The following P3H2 variants were observed in gnomAD, a reference collection of about 807,000 sequenced individuals.
P3H2 encodes the protein prolyl 3-hydroxylase 2, also known as leprecan-like 1.
In P3H2, 80 loss-of-function variants were observed where a neutral mutation model predicts 87.0. The observed-to-expected ratio is 0.92, with a 90% confidence interval of 0.77 to 1.11. The LOEUF (loss-of-function observed/expected upper bound fraction) is 1.11, where lower values mean the gene tolerates loss of function less well. Among genes scored for constraint, P3H2 ranks in the 50% least tolerant of loss-of-function variants. The probability of loss-of-function intolerance (pLI) is 0.00; values close to 1 mark genes in which losing one functional copy is unlikely to be tolerated. For missense variants in P3H2, 1,001 were observed against 923.9 expected (o/e 1.08, Z -1.08); for synonymous variants, 367 against 359.3 (o/e 1.02, Z -0.24).
At chr3:190,041,618 T>A (rs1387075641) in intron 1 of P3H2, among the ~76,000 whole-genome samples, 2 of 152,166 alleles carry the variant, frequency 1.3e-5, no homozygotes, top group African/African-American at 4.8e-5. Flanking sequence ...AAGACCTAGG[T>A]CAATAGCACA....
At chr3:190,029,038 T>C (rs143812341) in intron 1 of P3H2, among the ~76,000 whole-genome samples, 122 of 152,350 alleles carry the variant, frequency 8.0e-4, no homozygotes, top group African/African-American at 2.9e-3. Flanking sequence ...GTCATTTACA[T>C]GACTTAAAGA....
intron 1 of P3H2, among the ~76,000 whole-genome samples, chr3:190,102,928 AC>A (rs1711684455): frequency 6.6e-6 from 1 of 152,220 alleles, no homozygotes; most frequent in Admixed American, 6.5e-5. Flanking sequence ...GCAGCCACCA[AC>A]ACTGAGGAAA....
At chr3:190,004,593 G>A (rs372715352) in intron 1 of P3H2, among the ~76,000 whole-genome samples, 3,107 of 151,902 alleles carry the variant, frequency 0.02, 114 homozygotes, top group African/African-American at 0.071. Flanking sequence ...CGTCTTAGCC[G>A]GGATGGTCTC....
chr3:190,047,996 C>T (rs1725859139), intron 1 of P3H2, among the ~76,000 whole-genome samples: 1 of 152,132 alleles, frequency 6.6e-6, no homozygotes, highest in Admixed American at 6.5e-5. Flanking sequence ...GTATACAGGT[C>T]TTTCTTCTGA....
intron 1 of P3H2, among the ~76,000 whole-genome samples, chr3:190,005,856 T>A (rs1346749383): frequency 6.6e-6 from 1 of 152,216 alleles, no homozygotes; most frequent in Non-Finnish European, 1.5e-5. Flanking sequence ...AGCTCACTAA[T>A]GGGTACTCCT....
intron 4 of P3H2, among the ~76,000 whole-genome samples, chr3:189,988,435 C>T (rs1011652372): frequency 8.8e-4 from 133 of 151,448 alleles, no homozygotes; most frequent in African/African-American, 2.8e-3. Context: ...AATACATACA[C>T]ACACACACAC....
chr3:190,068,499 G>T (rs918974289), intron 1 of P3H2, among the ~76,000 whole-genome samples: 2 of 152,114 alleles, frequency 1.3e-5, no homozygotes, highest in African/African-American at 2.4e-5. Flanking sequence ...AAGTTATTGG[G>T]TCTTAAAACT....
At chr3:190,121,444 A>C (rs1712588710), upstream of P3H2, 1 of 152,202 alleles carries the variant, frequency 6.6e-6, no homozygotes, top group Admixed American at 6.5e-5. Flanking sequence ...GCCTAAATGC[A>C]TAGAGCTGAG....
At chr3:190,073,695 G>A (rs1366588140) in intron 1 of P3H2, among the ~76,000 whole-genome samples, 1 of 152,168 alleles carries the variant, frequency 6.6e-6, no homozygotes, top group East Asian at 1.9e-4. Context: ...ACGGCAAACT[G>A]AGTTTCATTT....
intron 8 of P3H2, among the ~76,000 whole-genome samples, chr3:189,977,313 T>C (rs1723381422): frequency 6.6e-6 from 1 of 152,216 alleles, no homozygotes; most frequent in Admixed American, 6.5e-5. Flanking sequence ...GCTGCCATGC[T>C]GTAATGAAGC....
intron 1 of P3H2, among the ~76,000 whole-genome samples, chr3:190,116,901 C>T (rs1432771220): frequency 1.3e-5 from 2 of 152,100 alleles, no homozygotes; most frequent in East Asian, 1.9e-4. Flanking sequence ...ACATGCCAGG[C>T]CTTGAAAAAA....
intron 5 of P3H2, among the ~76,000 whole-genome samples, 177 bp downstream of exon 5, chr3:189,987,350 G>C (rs1170991741): frequency 1.3e-5 from 2 of 152,018 alleles, no homozygotes; most frequent in Non-Finnish European, 2.9e-5. Flanking sequence ...GTGGTGGCAT[G>C]TGCCTGTAAT....
At chr3:189,995,005 C>T (rs1211043622) in intron 2 of P3H2, among the ~76,000 whole-genome samples, 1 of 151,978 alleles carries the variant, frequency 6.6e-6, no homozygotes, top group Non-Finnish European at 1.5e-5. Flanking sequence ...GTTTTTATCA[C>T]ATTATGCCAA....
intron 14 of P3H2, chr3:189,963,698 C>G: frequency 2.2e-6 from 1 of 450,032 alleles, no homozygotes; most frequent in East Asian, 4.3e-5. Context: ...CCCACCTCGG[C>G]CTCCCAAAGT....
At chr3:190,044,115 A>C (rs937981123) in intron 1 of P3H2, among the ~76,000 whole-genome samples, 2 of 152,230 alleles carry the variant, frequency 1.3e-5, no homozygotes, top group African/African-American at 4.8e-5. Context: ...GCAGGGTCAA[A>C]TAAGTGTTTC....
chr3:190,109,439 C>T (rs948703915), intron 1 of P3H2, among the ~76,000 whole-genome samples: 8 of 152,270 alleles, frequency 5.3e-5, no homozygotes, highest in Admixed American at 1.3e-4. Flanking sequence ...CCAAAGAAAA[C>T]GTACAGGTTG....
upstream of P3H2, among the ~76,000 whole-genome samples, chr3:190,121,995 G>T (rs1712622861): frequency 6.6e-6 from 1 of 150,698 alleles, no homozygotes; most frequent in Non-Finnish European, 1.5e-5. Context: ...AGGAGGCTGA[G>T]GCAGGATAAT....
chr3:190,008,607 G>T (rs1577269784), intron 1 of P3H2, among the ~76,000 whole-genome samples: 1 of 152,262 alleles, frequency 6.6e-6, no homozygotes. Flanking sequence ...ATGTTATAGT[G>T]TGGCAGAGTG....
chr3:189,999,080 T>C (rs1254231345), intron 1 of P3H2, among the ~76,000 whole-genome samples: 1 of 152,182 alleles, frequency 6.6e-6, no homozygotes, highest in Non-Finnish European at 1.5e-5. Flanking sequence ...TCCTATAAGG[T>C]ACTAAAAGTT....
Sources: gnomAD v4.1 joint callset for allele counts (sites outside exome capture counted in the v4.1 genomes callset) on GRCh38, gnomAD v4.1.1 for gene constraint, MANE v1.5 for transcripts, NCBI Gene and HGNC (gene_info 2026-07-23, HGNC 2026-07-21) for gene names.